NPHP3: variants seen among roughly 807,000 people sequenced by gnomAD.
NPHP3 encodes the protein nephrocystin 3.
In NPHP3, 123 loss-of-function variants were observed where a neutral mutation model predicts 171.9. The observed-to-expected ratio is 0.72, with a 90% CI of 0.62 to 0.83. The LOEUF (loss-of-function observed/expected upper bound fraction) is 0.83, where lower values mean the gene tolerates loss of function less well. NPHP3 is among the 40% of genes least tolerant of loss of function. The probability of loss-of-function intolerance (pLI) is 0.00; values close to 1 mark genes in which losing one functional copy is unlikely to be tolerated. For synonymous variants in NPHP3, 558 were observed against 579.2 expected (o/e 0.96, Z 0.52); for missense variants, 1,506 against 1,591.9 (o/e 0.95, Z 0.92).
chr3:132,684,015 T>C lies in NPHP3; in HGVS notation c.3571-491A>G, dbSNP rs138682241. 2.8e-4 allele frequency among the ~76,000 whole-genome samples: 43 copies of C among 152,312 alleles called. No individual in the cohort carries two copies. The East Asian group carries it at 8.1e-3, about 29-fold the overall frequency. ...TACAAAGCTCTGTAACTATGCTAAA[T>C]GAAAGCAGGCTTCCCTGGAATTTTT... On this transcript the variant is annotated intron_variant, in intron 24 of 26. Transcript: ENST00000337331.
intron 8 of NPHP3, 23 bp from the exon 9 acceptor site, chr3:132,704,394 C>T (rs769939171): frequency 1.2e-6 from 2 of 1,613,818 alleles, no homozygotes; most frequent in East Asian, 2.2e-5. Flanking sequence ...AACAACCACA[C>T]AAAAATGAAT....
chr3:132,685,587 T>C, intron 23 of NPHP3: 1 of 152,230 alleles, frequency 6.6e-6, no homozygotes, highest in Middle Eastern at 3.2e-3. Context: ...ATAAATGTCA[T>C]TTTGAATCCT....
intron 5 of NPHP3, 97 bp downstream of exon 5, chr3:132,714,988 G>C (rs1940011235): frequency 1.0e-6 from 1 of 1,002,320 alleles, no homozygotes; most frequent in African/African-American, 1.6e-5. Flanking sequence ...TAATCTAGTA[G>C]GAAACTATTT....
At chr3:132,706,336 A>G (rs1041325701) in intron 7 of NPHP3, among the ~76,000 whole-genome samples, 2 of 151,158 alleles carry the variant, frequency 1.3e-5, no homozygotes, top group East Asian at 1.9e-4. Context: ...TCCAGCCTGG[A>G]AGACAGAGTA....
intron 2 of NPHP3, 64 bp downstream of exon 2, chr3:132,719,641 T>C (rs1430826502): frequency 1.8e-6 from 2 of 1,081,666 alleles, no homozygotes; most frequent in Non-Finnish European, 2.6e-6. Flanking sequence ...ATATATTATA[T>C]ATACTTTTAG....
At chr3:132,716,630 G>T in intron 4 of NPHP3, 127 bp downstream of exon 4, 2 of 1,003,056 alleles carry the variant, frequency 2.0e-6, no homozygotes, top group Non-Finnish European at 3.1e-6. Context: ...ATGATGGTTT[G>T]TCAATGGAAA....
intron 18 of NPHP3, 44 bp downstream of exon 18, chr3:132,691,148 G>A (rs369471474): frequency 1.1e-4 from 149 of 1,329,586 alleles, no homozygotes; most frequent in African/African-American, 3.2e-4. Flanking sequence ...CAAAGGTAGT[G>A]TGTTGCAGAA....
rs1349623728 is a variant in NPHP3 at position 132,716,863 on chromosome 3, ACTTCCCAAGG to A, written c.707_716del (p.Ala236ValfsTer5). 10 of 1,614,160 alleles carry A rather than the reference ACTTCCCAAGG, an allele frequency of 6.2e-6. No homozygotes were observed. Among genetic ancestry groups the A allele is most frequent in the Non-Finnish European group, 8.5e-6 (10 of 1,180,012 alleles). ...GGATCATGCTTCCTATGGAAGGTTC[ACTTCCCAAGG>A]CTCCGCCAGTCCAATATTCACATTG... On this transcript the variant is annotated frameshift_variant, in exon 4 of 27. Coordinates refer to ENST00000337331, the MANE Select transcript of NPHP3 (RefSeq NM_153240.5). LOFTEE classifies it high-confidence loss of function.
Position 132,686,292 on chromosome 3 carries a change from C to T in NPHP3, c.3297G>A (p.Leu1099=), listed in dbSNP as rs1560000891. 1 of 1,613,826 alleles carries T rather than the reference C, an allele frequency of 6.2e-7. No individual in the cohort carries two copies. The highest frequency in any genetic ancestry group is 1.7e-5 in the Admixed American group (1 of 60,020). Residue 1099 remains leucine, a synonymous_variant, in exon 23 of 27, where the codon CTG becomes CTA. Transcript: ENST00000337331. The part of the protein sequence containing the change: ...TPDNARTLNE[L]GVLYYLQNNL... ...TATTTTGAAGATAGTAGAGAACACCCAGTTCATTGAGGGTCCGAGCATTAT... is the reference window on the plus strand; with the variant it reads ...TATTTTGAAGATAGTAGAGAACACCTAGTTCATTGAGGGTCCGAGCATTAT...
intron 21 of NPHP3, 91 bp downstream of exon 21, chr3:132,688,559 C>A (rs1939218684): frequency 3.7e-6 from 5 of 1,369,224 alleles, no homozygotes; most frequent in Non-Finnish European, 4.1e-6. Flanking sequence ...AGGAAAAGTA[C>A]ACAGTGATAA....
intron 17 of NPHP3, among the ~76,000 whole-genome samples, chr3:132,691,512 CTTTAG>C (rs563863073): frequency 5.0e-4 from 76 of 152,116 alleles, no homozygotes; most frequent in African/African-American, 1.8e-3. Context: ...TTAATTCAAA[CTTTAG>C]TTAATACATT....
chr3:132,700,133 A>G (rs1939567406), intron 11 of NPHP3, 72 bp from the exon 12 acceptor site: 1 of 1,545,108 alleles, frequency 6.5e-7, no homozygotes, highest in Non-Finnish European at 8.9e-7. Context: ...AGCTGGGGGA[A>G]ATATTTCTAT....
At position 132,699,375 on chromosome 3, in the gene NPHP3, C is replaced by T; in HGVS notation, c.1963G>A (p.Glu655Lys). 1 of 1,612,376 alleles carries T rather than the reference C, an allele frequency of 6.2e-7. No individual in the cohort carries two copies. The highest frequency in any genetic ancestry group is 8.5e-7 in the Non-Finnish European group (1 of 1,179,182). Residue 655 changes from glutamate (E) to lysine (K), a missense_variant, in exon 13 of 27, where the codon GAA becomes AAA. Physicochemically the swap from Glu to Lys is moderately conservative, Grantham distance 56. Transcript: ENST00000337331. ...NVRVIVSVNVETCPPAWRLWP... is the reference protein window; with the variant it reads ...NVRVIVSVNVKTCPPAWRLWP... ...TACCTCCATGCTGGAGGGCATGTTT[C>T]TACATTCACAGAAACAATTACTCTT...
chr3:132,715,367 A>G (rs1940021975), intron 4 of NPHP3, 149 bp from the exon 5 acceptor site: 1 of 671,120 alleles, frequency 1.5e-6, no homozygotes, highest in Non-Finnish European at 2.6e-6. Flanking sequence ...ATATATTCAA[A>G]GGCAATTAGT....
intron 5 of NPHP3, among the ~76,000 whole-genome samples, chr3:132,714,341 GA>G (rs1424328515): frequency 1.3e-5 from 2 of 152,096 alleles, no homozygotes; most frequent in Non-Finnish European, 2.9e-5. Context: ...TGGCTATAGT[GA>G]CCCTTGCCTT....
Position 132,688,662 on chromosome 3 carries a change from T to C in NPHP3, c.3113A>G (p.Gln1038Arg). ...TAAAAAATCTTACTTATTTTGTTTC[T>C]GGTACAAAGTTGCAAGTGCTTCAAG... ...RELEALATLY[Q>R]KQNKYEQAEH... The change falls in exon 21 of 27, where the codon CAG becomes CGG. Residue 1038 changes from glutamine (Q) to arginine (R), a missense_variant. By Grantham distance (43) the Gln-to-Arg change is conservative. This residue lies in a region of NPHP3 where 569 missense variants were observed against 648.1 expected (regional missense o/e 0.88). Coordinates refer to ENST00000337331, the MANE Select transcript of NPHP3 (RefSeq NM_153240.5). 1 of 1,614,102 alleles carries C rather than the reference T, an allele frequency of 6.2e-7. No individual in the cohort carries two copies. Among genetic ancestry groups the C allele is most frequent in the African/African-American group, 1.3e-5 (1 of 75,052 alleles).
Position 132,718,981 on chromosome 3 carries a change from G to A in NPHP3, c.670+13C>T, listed in dbSNP as rs202228115. The A allele has an allele frequency of 7.7e-4, 1,245 of 1,613,588 alleles. 2 individuals are homozygous for A. The highest frequency in any genetic ancestry group is 9.7e-4 in the Non-Finnish European group (1,143 of 1,179,618). On this transcript the variant is annotated intron_variant, in intron 3 of 26. Coordinates refer to ENST00000337331, the MANE Select transcript of NPHP3 (RefSeq NM_153240.5). The stretch of plus-strand genomic sequence containing the variant: ...TGTTGAAAGCTCAAAATATAAATAG[G>A]ATATACACTTACCAGTGACATCTGT...
intron 4 of NPHP3, among the ~76,000 whole-genome samples, chr3:132,715,574 AG>A (rs1940030335): frequency 6.6e-6 from 1 of 152,220 alleles, no homozygotes; most frequent in Non-Finnish European, 1.5e-5. Flanking sequence ...AAATATATTG[AG>A]TTAAAAGAAT....
In NPHP3 at chr3:132,687,119, C is replaced by T. The variant is rs113011754; in HGVS notation, c.3201+32G>A. On this transcript the variant is annotated intron_variant, in intron 22 of 26. Coordinates refer to ENST00000337331, the MANE Select transcript of NPHP3 (RefSeq NM_153240.5). ...TATGATGCTCTTTTCCTCTTACGTT[C>T]AAAACACAACACAAAAGAAATCTCT... 3.2e-4 allele frequency: 362 copies of T among 1,117,418 alleles called. 1 individual carries two copies. In the African/African-American group the frequency reaches 4.0e-3, roughly 12 times the overall value. 69.2% of individuals were successfully genotyped at this position (1,117,418 alleles called of 1,614,324 possible). A position where few individuals can be genotyped will look rare whatever the true frequency, so the allele number is the denominator to read the frequency against.
Sources: gnomAD v4.1 joint callset for allele counts (sites outside exome capture counted in the v4.1 genomes callset) on GRCh38, gnomAD v4.1.1 for gene constraint, gnomAD v4.1.1 regional missense constraint, MANE v1.5 for transcripts, NCBI Gene and HGNC (gene_info 2026-07-23, HGNC 2026-07-21) for gene names.